TMEM230: variants seen among roughly 807,000 people sequenced by gnomAD.
The protein encoded by TMEM230 is UPF0414 transmembrane protein C20orf30.
TMEM230 carries 10 observed loss-of-function variants against 15.8 expected under a neutral mutation model. That is an observed-to-expected ratio of 0.63 (90% CI 0.39 to 1.07). The LOEUF (loss-of-function observed/expected upper bound fraction) is 1.07. Ranked by LOEUF, TMEM230 falls within the 50% of genes least tolerant of loss-of-function variation. The pLI is 0.01. For missense variants in TMEM230, 165 were observed against 193.3 expected (o/e 0.85, Z 0.87); for synonymous variants, 67 against 76.9 (o/e 0.87, Z 0.68).
intron 2 of TMEM230, 132 bp from the exon 2 acceptor site, chr20:5,109,577 T>G: frequency 1.5e-6 from 1 of 687,390 alleles, no homozygotes; most frequent in Non-Finnish European, 2.5e-6. Flanking sequence ...AATGGGCAAT[T>G]TACACTTCAC....
Position 5,113,046 on chromosome 20 carries a change from T to C in TMEM230, c.-18A>G, listed in dbSNP as rs1413589912. On this transcript the variant is annotated 5_prime_UTR_variant, in exon 1 of 5. Coordinates refer to ENST00000342308, the MANE Select transcript of TMEM230 (RefSeq NM_001009923.2). ...GGTTGCATGGCATGGCCCGCTTAAG[T>C]GCCACTCAGCCGGCCCCAGGCGGGA... is the stretch of plus-strand genomic sequence containing the variant. The C allele has an allele frequency of 1.9e-6, 3 of 1,544,386 alleles. No homozygotes were observed. Among genetic ancestry groups the C allele is most frequent in the Non-Finnish European group, 2.6e-6 (3 of 1,146,414 alleles).
chr20:5,092,496 T>C (rs1280214602), intron 3 of TMEM230, among the ~76,000 whole-genome samples: 1 of 152,106 alleles, frequency 6.6e-6, no homozygotes, highest in Non-Finnish European at 1.5e-5. Flanking sequence ...CGCAGGCGGA[T>C]CACCTGAGGT....
chr20:5,093,261 T>C (rs1238387115), intron 3 of TMEM230, among the ~76,000 whole-genome samples: 2 of 152,236 alleles, frequency 1.3e-5, no homozygotes, highest in Non-Finnish European at 2.9e-5. Context: ...TTAATTTTGT[T>C]ATTTTGTAGA....
intron 1 of TMEM230, among the ~76,000 whole-genome samples, chr20:5,112,405 G>A (rs1018659261): frequency 6.6e-6 from 1 of 152,130 alleles, no homozygotes; most frequent in Non-Finnish European, 1.5e-5. Context: ...GGTTTTTGAG[G>A]GCATTTAACC....
chr20:5,104,435 A>T (rs780145588), intron 4 of TMEM230, among the ~76,000 whole-genome samples: 2 of 152,212 alleles, frequency 1.3e-5, no homozygotes, highest in Admixed American at 6.5e-5. Context: ...CCCTCGTACA[A>T]TGTTGATGGG....
At chr20:5,106,391 G>C in intron 3 of TMEM230, 81 bp from the exon 3 acceptor site, 1 of 1,464,936 alleles carries the variant, frequency 6.8e-7, no homozygotes, top group South Asian at 1.4e-5. Context: ...TTAATTATTT[G>C]TAATTTTTAT....
chr20:5,112,217 T>G (rs1455540211), intron 1 of TMEM230, among the ~76,000 whole-genome samples: 1 of 152,230 alleles, frequency 6.6e-6, no homozygotes, highest in African/African-American at 2.4e-5. Flanking sequence ...AATATTAATA[T>G]CCGTTTTTAT....
intron 3 of TMEM230, 143 bp from the exon 3 acceptor site, chr20:5,106,453 G>C (rs567339072): frequency 2.0e-6 from 2 of 1,018,992 alleles, no homozygotes; most frequent in South Asian, 1.8e-5. Flanking sequence ...GCCCAGGCTA[G>C]AGAGCAATGG....
intron 3 of TMEM230, among the ~76,000 whole-genome samples, chr20:5,086,111 G>A (rs2089330151): frequency 6.6e-6 from 1 of 151,960 alleles, no homozygotes; most frequent in Non-Finnish European, 1.5e-5. Context: ...GTTTTAATAT[G>A]CAGCTGGGTG....
At chr20:5,102,313 T>C (rs1456741799) in intron 4 of TMEM230, among the ~76,000 whole-genome samples, 1 of 152,004 alleles carries the variant, frequency 6.6e-6, no homozygotes, top group Admixed American at 6.6e-5. Context: ...CAAAGAGTAA[T>C]GAGATTAAGG....
chr20:5,072,692 T>C (rs1171946536), intron 3 of TMEM230, among the ~76,000 whole-genome samples: 4 of 151,250 alleles, frequency 2.6e-5, no homozygotes, highest in Non-Finnish European at 4.4e-5. Context: ...CTACTAAAAA[T>C]ACAAAAATTA....
chr20:5,060,128 T>C, the TMEM230 span, among the ~76,000 whole-genome samples: 2 of 152,058 alleles, frequency 1.3e-5, no homozygotes, highest in Non-Finnish European at 2.9e-5. Flanking sequence ...TTCAGGCTAG[T>C]CTTGAACTTC....
At chr20:5,111,789 T>C (rs780710290) in intron 1 of TMEM230, 106 of 982,106 alleles carry the variant, frequency 1.1e-4, no homozygotes, top group Non-Finnish European at 1.2e-4. Context: ...TGCCAGCTGT[T>C]CTAAGTACTT....
At chr20:5,099,382 C>T (rs1031020222), downstream of TMEM230, among the ~76,000 whole-genome samples, 5 of 152,104 alleles carry the variant, frequency 3.3e-5, no homozygotes, top group Non-Finnish European at 7.4e-5. Context: ...CTCTAGATTA[C>T]TGGACTCCCC....
chr20:5,092,380 T>G (rs1203743616), intron 3 of TMEM230, among the ~76,000 whole-genome samples: 3 of 152,256 alleles, frequency 2.0e-5, no homozygotes, highest in East Asian at 3.9e-4. Context: ...TTTCTGACAT[T>G]CCGGGTTCTA....
At chr20:5,075,598 G>A (rs549751097) in intron 3 of TMEM230, among the ~76,000 whole-genome samples, 1 of 151,096 alleles carries the variant, frequency 6.6e-6, no homozygotes, top group East Asian at 2.0e-4. Context: ...GGTGGCACAC[G>A]CCTATAATCC....
At chr20:5,066,595 C>T (rs1482053953), downstream of TMEM230, among the ~76,000 whole-genome samples, 1 of 151,544 alleles carries the variant, frequency 6.6e-6, no homozygotes, top group Non-Finnish European at 1.5e-5. Flanking sequence ...TAGCTTGAAC[C>T]CGGGGGGCAG....
intron 3 of TMEM230, among the ~76,000 whole-genome samples, chr20:5,086,538 CAAAAAAAAA>C (rs542162305): frequency 1.1e-5 from 1 of 89,042 alleles, no homozygotes; most frequent in Non-Finnish European, 2.2e-5. Context: ...GACTCTGTCT[CAAAAAAAAA>C]AAAAAAAAAA....
chr20:5,065,991 A>C (rs568793658), downstream of TMEM230: 1 of 152,522 alleles, frequency 6.6e-6, no homozygotes, highest in South Asian at 2.1e-4. Flanking sequence ...AGGAGGCCAC[A>C]AGTTCCCGGT....
Sources: gnomAD v4.1 joint callset for allele counts (sites outside exome capture counted in the v4.1 genomes callset) on GRCh38, gnomAD v4.1.1 for gene constraint, MANE v1.5 for transcripts, NCBI Gene and HGNC (gene_info 2026-07-23, HGNC 2026-07-21) for gene names.